Variants in SLC12A7 observed in about 807,000 individuals in gnomAD.
SLC12A7 encodes solute carrier family 12 member 7, also known as K-Cl cotransporter 4.
SLC12A7 carries 100 observed loss-of-function variants against 120.6 expected under a neutral mutation model. The ratio of observed to expected loss-of-function variants is 0.83; its 90% CI spans 0.71 to 0.98. The LOEUF is 0.98. SLC12A7 is among the 50% of genes least tolerant of loss of function. SLC12A7 has a pLI of 0.00. For missense variants in SLC12A7, 1,373 were observed against 1,548.1 expected, an observed-to-expected ratio of 0.89 and a Z score of 1.90; for synonymous variants, 760 against 678.0, an observed-to-expected ratio of 1.12 and a Z score of -1.88.
rs889613318 is a variant in SLC12A7 at position 1,051,492 on chromosome 5, C to T, written c.*868G>A. 6 of 152,494 alleles carry T rather than the reference C, an allele frequency of 3.9e-5. No homozygotes were observed. The highest frequency in any genetic ancestry group is 6.5e-5 in the Admixed American group (1 of 15,292). The allele number at this position is 152,494 out of a possible 1,614,324, so 9.4% of individuals were successfully genotyped here. On this transcript the variant is annotated 3_prime_UTR_variant, in exon 24 of 24. Transcript: ENST00000264930. Reference sequence around the variant, plus strand: ...CCCTGGGTTTCAGTGCATTTGCCTGCGTGAGGCACTGATCGCACCTGTGGC... The same window carrying T: ...CCCTGGGTTTCAGTGCATTTGCCTGTGTGAGGCACTGATCGCACCTGTGGC...
the SLC12A7 span, among the ~76,000 whole-genome samples, chr5:1,143,863 G>C: frequency 6.6e-6 from 1 of 151,980 alleles, no homozygotes; most frequent in Admixed American, 6.5e-5. Context: ...CCTGGCGCTT[G>C]GCACCCTGGC....
intron 3 of SLC12A7, 37 bp from the exon 4 acceptor site, chr5:1,089,165 C>T (rs746629252): frequency 6.7e-5 from 107 of 1,601,370 alleles, no homozygotes; most frequent in Non-Finnish European, 8.6e-5. Flanking sequence ...GGGCTCGTAC[C>T]CCACACCCAG....
At chr5:1,124,565 C>T in the SLC12A7 span, among the ~76,000 whole-genome samples, 12 of 152,154 alleles carry the variant, frequency 7.9e-5, no homozygotes, top group Non-Finnish European at 1.6e-4. Flanking sequence ...ATGGAAACAC[C>T]GAAATCCAGA....
At chr5:1,100,636 G>C (rs1425246036) in intron 1 of SLC12A7, among the ~76,000 whole-genome samples, 1 of 152,230 alleles carries the variant, frequency 6.6e-6, no homozygotes, top group African/African-American at 2.4e-5. Flanking sequence ...GTTGACGCGT[G>C]TGCCCAGACG....
chr5:1,088,188 G>A (rs1447595942), intron 5 of SLC12A7, 118 bp downstream of exon 5: 3 of 971,838 alleles, frequency 3.1e-6, no homozygotes, highest in African/African-American at 3.3e-5. Context: ...AGGCCCGGCT[G>A]AGACCCCCAG....
rs541487932 is a variant in SLC12A7, at chr5:1,109,937, G to A, written c.124+1931C>T. ...TTTGGACCTGGCCTGTGACCTTGTG[G>A]TGTGGACCCCACACAGAAGGCCTTT... On this transcript the variant is annotated intron_variant, in intron 1 of 23. Transcript: ENST00000264930. Among the ~76,000 whole-genome samples the A allele has an allele frequency of 1.6e-4, 25 of 152,358 alleles. 1 individual carries two copies. The highest frequency in any genetic ancestry group is 3.4e-3 in the Middle Eastern group (1 of 294).
At chr5:1,148,682 G>A in the SLC12A7 span, among the ~76,000 whole-genome samples, 16 of 152,352 alleles carry the variant, frequency 1.1e-4, no homozygotes, top group South Asian at 1.2e-3. Context: ...AGTGGGTTTT[G>A]TAAAGTGGGT....
chr5:1,054,919 A>G (rs1324054035), intron 22 of SLC12A7, among the ~76,000 whole-genome samples: 1 of 152,192 alleles, frequency 6.6e-6, no homozygotes, highest in Non-Finnish European at 1.5e-5. Flanking sequence ...TTCTGGATAG[A>G]CCACAATTAC....
At chr5:1,124,846 C>A in the SLC12A7 span, among the ~76,000 whole-genome samples, 7 of 152,180 alleles carry the variant, frequency 4.6e-5, no homozygotes, top group Non-Finnish European at 8.8e-5. Context: ...CCAGTGCTTG[C>A]ACTAACCGGA....
chr5:1,137,070 CGTGTGTCTACAGCCA>C, the SLC12A7 span, among the ~76,000 whole-genome samples: 1 of 145,410 alleles, frequency 6.9e-6, no homozygotes, highest in African/African-American at 2.9e-5. Context: ...TGCAGACACA[CGTGTGTCTACAGCCA>C]GTGTTTCCCA....
chr5:1,150,451 C>A, the SLC12A7 span, among the ~76,000 whole-genome samples: 1 of 152,198 alleles, frequency 6.6e-6, no homozygotes, highest in African/African-American at 2.4e-5. Context: ...CAGTGAGGAC[C>A]CCAACTCATG....
chr5:1,051,029 G>T lies in SLC12A7; in HGVS notation c.*1331C>A. On this transcript the variant is annotated 3_prime_UTR_variant, in exon 24 of 24. Coordinates refer to ENST00000264930, the MANE Select transcript of SLC12A7 (RefSeq NM_006598.3). ...TCTTTATGGACAACCTTGTTACCAC[G>T]TAACTCCCTGGGGTGTTTAAATAAA... The T allele has an allele frequency of 2.5e-6, 1 of 397,028 alleles. No individual in the cohort carries two copies. 24.6% of individuals were successfully genotyped at this position (397,028 alleles called of 1,614,324 possible).
chr5:1,085,423 GC>G lies in SLC12A7; in HGVS notation c.725del (p.Gly242AlafsTer190). 1 of 1,609,296 alleles carries G rather than the reference GC, an allele frequency of 6.2e-7. No homozygotes were observed. The highest frequency in any genetic ancestry group is 1.1e-5 in the South Asian group (1 of 90,478). On this transcript the variant is annotated frameshift_variant, in exon 7 of 24. Coordinates refer to ENST00000264930, the MANE Select transcript of SLC12A7 (RefSeq NM_006598.3). LOFTEE classifies it high-confidence loss of function. ...AAIFQAEAAG[G>X]EAAAMLHNMR... ...TGTTGTGCAGCATGGCGGCCGCCTC[GC>G]CACCTGCAGCCTCCGCCTGGAAGAT...
chr5:1,129,528 CAG>C, the SLC12A7 span, among the ~76,000 whole-genome samples: 2 of 152,142 alleles, frequency 1.3e-5, no homozygotes, highest in Non-Finnish European at 2.9e-5. Flanking sequence ...GGACCAGGAC[CAG>C]GACCAGGGAA....
intron 1 of SLC12A7, among the ~76,000 whole-genome samples, chr5:1,102,829 C>T (rs1027778891): frequency 1.3e-5 from 2 of 152,156 alleles, no homozygotes; most frequent in East Asian, 1.9e-4. Flanking sequence ...CATCAGCTCA[C>T]GTGGCCTCTG....
rs371230719 is a variant in SLC12A7 at position 1,073,811 on chromosome 5, G to C, written c.2073-10C>G. On this transcript the variant is annotated splice_polypyrimidine_tract_variant and intron_variant, in intron 16 of 23. Transcript: ENST00000264930. ...CACCAGCACCTGGGGCCTGCAGCCA[G>C]GGTGGGGCGGCTGTTACCACGGCAA... 2 of 1,403,292 alleles carry C rather than the reference G, an allele frequency of 1.4e-6. No individual in the cohort carries two copies. The highest frequency in any genetic ancestry group is 3.0e-5 in the African/African-American group (2 of 67,324). The allele number at this position is 1,403,292 out of a possible 1,614,324, so 86.9% of individuals were successfully genotyped here. A position where few individuals can be genotyped will look rare whatever the true frequency, so the allele number is the denominator to read the frequency against.
At chr5:1,057,793 C>CCA in intron 21 of SLC12A7, 144 bp from the exon 22 acceptor site, 1 of 744,632 alleles carries the variant, frequency 1.3e-6, no homozygotes, top group Non-Finnish European at 2.1e-6. Context: ...GCCTGGCGTC[C>CCA]CACACTGGTC....
chr5:1,130,962 G>T, the SLC12A7 span, among the ~76,000 whole-genome samples: 1 of 152,156 alleles, frequency 6.6e-6, no homozygotes, highest in Non-Finnish European at 1.5e-5. Context: ...TCGGAGGGTG[G>T]TCTGAGGGCT....
At chr5:1,099,906 G>A (rs561070287) in intron 1 of SLC12A7, among the ~76,000 whole-genome samples, 14 of 151,374 alleles carry the variant, frequency 9.2e-5, no homozygotes, top group East Asian at 3.8e-4. Flanking sequence ...GGGGAATTCC[G>A]GGGTCCCCCA....
Sources: gnomAD v4.1 joint callset for allele counts (sites outside exome capture counted in the v4.1 genomes callset) on GRCh38, gnomAD v4.1.1 for gene constraint, MANE v1.5 for transcripts, NCBI Gene and HGNC (gene_info 2026-07-23, HGNC 2026-07-21) for gene names.